The following TENM3 variants were observed in gnomAD, a reference collection of about 807,000 sequenced individuals.
TENM3 encodes the protein teneurin-3.
Under a neutral mutation model 255.1 loss-of-function variants are expected in TENM3, and 63 were observed. That is an observed-to-expected ratio of 0.25 (90% CI 0.20 to 0.30). The LOEUF (loss-of-function observed/expected upper bound fraction) is 0.30. Among genes scored for constraint, TENM3 ranks in the 10% least tolerant of loss-of-function variants. The pLI is 1.00. For missense variants in TENM3, 2,929 were observed against 3,461.1 expected (o/e 0.85, Z 3.86); for synonymous variants, 1,306 against 1,322.3 (o/e 0.99, Z 0.27).
chr4:182,352,245 C>T (rs1453917655), intron 3 of TENM3, among the ~76,000 whole-genome samples: 1 of 152,064 alleles, frequency 6.6e-6, no homozygotes, highest in African/African-American at 2.4e-5. Flanking sequence ...TTTATTGACT[C>T]TCTTATTTTT....
chr4:182,088,605 C>T, the TENM3 span, among the ~76,000 whole-genome samples: 1 of 152,008 alleles, frequency 6.6e-6, no homozygotes, highest in Non-Finnish European at 1.5e-5. Flanking sequence ...GAGGCCGAGG[C>T]GGGCGGATCA....
intron 1 of TENM3, among the ~76,000 whole-genome samples, chr4:182,183,411 A>G (rs1752954987): frequency 6.6e-6 from 1 of 152,092 alleles, no homozygotes; most frequent in African/African-American, 2.4e-5. Flanking sequence ...CTGAGGGCCT[A>G]GTTCATTTTT....
chr4:182,686,846 G>A (rs1359267857), intron 11 of TENM3, among the ~76,000 whole-genome samples: 2 of 152,082 alleles, frequency 1.3e-5, no homozygotes, highest in Non-Finnish European at 2.9e-5. Context: ...CTCACTTCTG[G>A]AGCTGGGTTG....
rs190965761 is a variant in TENM3, at chr4:182,744,458, C to T, written c.3629+1039C>T. Among the ~76,000 whole-genome samples the T allele has an allele frequency of 1.5e-3, 229 of 152,244 alleles. 1 individual carries two copies. Among genetic ancestry groups the T allele is most frequent in the Middle Eastern group, 6.8e-3 (2 of 294 alleles). ...CAAAATTATTTCCAAGCATTAGTTA[C>T]TGACCGACACAATCTAAGCCATGTT... On this transcript the variant is annotated intron_variant, in intron 19 of 27. Coordinates refer to ENST00000511685, the MANE Select transcript of TENM3 (RefSeq NM_001080477.4).
chr4:181,539,592 TG>T, the TENM3 span, among the ~76,000 whole-genome samples: 118 of 152,298 alleles, frequency 7.7e-4, 1 homozygote, highest in East Asian at 0.022. Flanking sequence ...TCATTTGAAG[TG>T]TAAAAATGAG....
chr4:182,653,031 G>C (rs991646073), intron 5 of TENM3, among the ~76,000 whole-genome samples: 2 of 152,044 alleles, frequency 1.3e-5, no homozygotes, highest in African/African-American at 4.8e-5. Context: ...TATGTTTATA[G>C]TTGTATAGTC....
At chr4:181,697,830 C>A in the TENM3 span, among the ~76,000 whole-genome samples, 1 of 152,202 alleles carries the variant, frequency 6.6e-6, no homozygotes, top group Non-Finnish European at 1.5e-5. Flanking sequence ...GAGAAAATAA[C>A]ATTTATTGAA....
At chr4:181,916,736 G>T in the TENM3 span, among the ~76,000 whole-genome samples, 5 of 152,074 alleles carry the variant, frequency 3.3e-5, no homozygotes, top group Non-Finnish European at 5.9e-5. Context: ...AATTAGCTGG[G>T]CATGGTGGCG....
chr4:181,450,247 AC>A, the TENM3 span, among the ~76,000 whole-genome samples: 45 of 152,326 alleles, frequency 3.0e-4, no homozygotes, highest in East Asian at 7.7e-3. Context: ...TTAATACATA[AC>A]TATAATTAAT....
chr4:182,091,533 G>T, the TENM3 span, among the ~76,000 whole-genome samples: 1 of 152,150 alleles, frequency 6.6e-6, no homozygotes, highest in Non-Finnish European at 1.5e-5. Flanking sequence ...GGAGACCTGC[G>T]TACCTGGTGC....
chr4:181,745,985 G>A, the TENM3 span, among the ~76,000 whole-genome samples: 1 of 152,180 alleles, frequency 6.6e-6, no homozygotes. Context: ...CTCAAGTGGA[G>A]CAAGTGAGTT....
the TENM3 span, among the ~76,000 whole-genome samples, chr4:181,844,120 A>G: frequency 1.3e-5 from 2 of 152,036 alleles, no homozygotes; most frequent in African/African-American, 4.8e-5. Flanking sequence ...TCATCCTTCT[A>G]TTGGAGCCCA....
intron 3 of TENM3, among the ~76,000 whole-genome samples, chr4:182,398,735 T>C (rs187198662): frequency 1.1e-4 from 17 of 152,334 alleles, no homozygotes; most frequent in South Asian, 4.1e-4. Flanking sequence ...CAACCAGATA[T>C]AGTTGTGACA....
At chr4:182,335,494 CAAAAAAA>C (rs372965020) in intron 2 of TENM3, among the ~76,000 whole-genome samples, 5 of 52,398 alleles carry the variant, frequency 9.5e-5, no homozygotes, top group Non-Finnish European at 1.0e-4. Flanking sequence ...GACTCCGCCT[CAAAAAAA>C]AAAAAAAAAA....
At chr4:182,466,830 A>C (rs1732644170) in intron 3 of TENM3, among the ~76,000 whole-genome samples, 1 of 151,110 alleles carries the variant, frequency 6.6e-6, no homozygotes, top group Admixed American at 6.6e-5. Context: ...AAGGTAAAAA[A>C]ATGCTTCTCT....
the TENM3 span, among the ~76,000 whole-genome samples, chr4:181,627,247 A>T: frequency 6.6e-6 from 1 of 152,258 alleles, no homozygotes; most frequent in Non-Finnish European, 1.5e-5. Context: ...TACTAAAAGT[A>T]TAAGAAAACA....
intron 23 of TENM3, 122 bp from the exon 24 acceptor site, chr4:182,774,796 C>T (rs926001394): frequency 7.7e-6 from 5 of 653,268 alleles, no homozygotes; most frequent in Middle Eastern, 4.0e-4. Flanking sequence ...TCTAAAAGGA[C>T]ATCATCAGGT....
At chr4:182,515,175 G>T (rs566042030) in intron 3 of TENM3, among the ~76,000 whole-genome samples, 4 of 152,322 alleles carry the variant, frequency 2.6e-5, no homozygotes, top group African/African-American at 4.8e-5. Flanking sequence ...TGAATCGGAA[G>T]TGAGGAAAGT....
chr4:182,738,526 G>A lies in TENM3; in HGVS notation c.3361G>A (p.Val1121Met), dbSNP rs763938994. Residue 1121 changes from valine (V) to methionine (M), a missense_variant, in exon 18 of 28, where the codon GTG becomes ATG. Val to Met is a conservative substitution (Grantham distance 21). Coordinates refer to ENST00000511685, the MANE Select transcript of TENM3 (RefSeq NM_001080477.4). ...MGGWTLDKHH[V>M]LDVQNGILYK... ...TGGCTGGACATTAGATAAACATCACGTGCTGGATGTACAGAACGGTAAGCT... is the reference window on the plus strand; with the variant it reads ...TGGCTGGACATTAGATAAACATCACATGCTGGATGTACAGAACGGTAAGCT... The A allele has an allele frequency of 2.2e-5, 35 of 1,612,508 alleles. No individual in the cohort carries two copies. Among genetic ancestry groups the A allele is most frequent in the East Asian group, 4.5e-5 (2 of 44,812 alleles).
Sources: allele counts gnomAD v4.1 joint callset (sites outside exome capture counted in the v4.1 genomes callset), GRCh38; gene constraint gnomAD v4.1.1; transcripts MANE v1.5; gene names NCBI Gene and HGNC (gene_info 2026-07-23, HGNC 2026-07-21).